Variants in LURAP1L observed in about 807,000 individuals in gnomAD.
LURAP1L encodes leucine rich adaptor protein 1-like.
Under a neutral mutation model 13.8 loss-of-function variants are expected in LURAP1L, and 12 were observed. That is an observed-to-expected ratio of 0.87 (90% CI 0.56 to 1.41). LURAP1L has a LOEUF of 1.41. LURAP1L is among the 40% of genes most tolerant of loss of function. The probability of loss-of-function intolerance (pLI) is 0.00; values close to 1 mark genes in which losing one functional copy is unlikely to be tolerated. For synonymous variants in LURAP1L, 139 were observed against 119.2 expected, an observed-to-expected ratio of 1.17 and a Z score of -1.08; for missense variants, 375 against 292.9, an observed-to-expected ratio of 1.28 and a Z score of -2.04.
At chr9:12,808,182 A>G (rs1819687029) in intron 1 of LURAP1L, among the ~76,000 whole-genome samples, 2 of 151,746 alleles carry the variant, frequency 1.3e-5, no homozygotes, top group African/African-American at 4.8e-5. Context: ...TTTTTTTAAT[A>G]CAGATCTGAG....
In LURAP1L at chr9:12,821,558, G is replaced by A. The variant is rs1819880949; in HGVS notation, c.485G>A (p.Gly162Asp). The A allele has an allele frequency of 1.2e-6, 2 of 1,614,104 alleles. No individual in the cohort carries two copies. Among genetic ancestry groups the A allele is most frequent in the Non-Finnish European group, 1.7e-6 (2 of 1,180,016 alleles). ...LLESQSTSLR[G>D]SYNSLHDGSD... ...GAGAGTCAGAGCACCTCCTTACGTG[G>A]CAGCTACAACAGCCTACACGATGGC... Residue 162 changes from glycine (G) to aspartate (D), a missense_variant, in exon 2 of 2, where the codon GGC (glycine) becomes GAC (aspartate). Gly to Asp is a moderately conservative substitution (Grantham distance 94). Transcript: ENST00000319264.
rs1490971117 is a variant in LURAP1L, at chr9:12,808,559, C to G, written c.313-12827C>G. On this transcript the variant is annotated intron_variant, in intron 1 of 1. Coordinates refer to ENST00000319264, the MANE Select transcript of LURAP1L (RefSeq NM_203403.2). ...GACGGGATAAATATTTTACTCCACA[C>G]TCTTCTTGCTTATATGGTTTCTGAG... Among the ~76,000 whole-genome samples the G allele has an allele frequency of 2.6e-5, 4 of 152,102 alleles. No homozygotes were observed. The East Asian group carries it at 7.7e-4, about 29-fold the overall frequency.
intron 1 of LURAP1L, among the ~76,000 whole-genome samples, chr9:12,816,225 C>T (rs969412593): frequency 1.3e-5 from 2 of 152,148 alleles, no homozygotes; most frequent in Non-Finnish European, 2.9e-5. Flanking sequence ...GAAACGAAAT[C>T]TCAGTATGAA....
At chr9:12,781,403 G>T (rs181326029) in intron 1 of LURAP1L, among the ~76,000 whole-genome samples, 71 of 152,058 alleles carry the variant, frequency 4.7e-4, no homozygotes, top group Non-Finnish European at 7.8e-4. Flanking sequence ...CTTCCCCCCA[G>T]CTCGCTACCC....
chr9:12,778,872 C>T (rs907437885), intron 1 of LURAP1L, among the ~76,000 whole-genome samples: 1 of 152,222 alleles, frequency 6.6e-6, no homozygotes, highest in Non-Finnish European at 1.5e-5. Context: ...AGTAGCCCAC[C>T]TTATCCATGG....
chr9:12,807,020 CAAAAAAAAAAAA>C (rs71329888), intron 1 of LURAP1L, among the ~76,000 whole-genome samples: 2 of 21,880 alleles, frequency 9.1e-5, no homozygotes, highest in African/African-American at 3.4e-4. Context: ...GACTCCGTCT[CAAAAAAAAAAAA>C]AAAAAAAAAA....
intron 1 of LURAP1L, among the ~76,000 whole-genome samples, chr9:12,817,804 T>G (rs1285645093): frequency 6.6e-6 from 1 of 152,164 alleles, no homozygotes; most frequent in East Asian, 1.9e-4. Flanking sequence ...CATTGTGATT[T>G]AGTTGTTTGG....
At chr9:12,786,578 A>G (rs925342913) in intron 1 of LURAP1L, among the ~76,000 whole-genome samples, 1 of 132,998 alleles carries the variant, frequency 7.5e-6, no homozygotes, top group African/African-American at 2.7e-5. Flanking sequence ...ATATATATAT[A>G]TATAAACCCT....
chr9:12,798,065 T>G (rs947144494), intron 1 of LURAP1L, among the ~76,000 whole-genome samples: 2 of 152,152 alleles, frequency 1.3e-5, no homozygotes, highest in Non-Finnish European at 2.9e-5. Flanking sequence ...AATCAAAGTT[T>G]TAACATAAGC....
chr9:12,803,436 T>C (rs1819614426), intron 1 of LURAP1L, among the ~76,000 whole-genome samples: 1 of 152,226 alleles, frequency 6.6e-6, no homozygotes, highest in South Asian at 2.1e-4. Context: ...CTTTCTTCGC[T>C]ATTCCCACTA....
At chr9:12,810,355 T>C (rs1409015752) in intron 1 of LURAP1L, among the ~76,000 whole-genome samples, 2 of 152,208 alleles carry the variant, frequency 1.3e-5, no homozygotes, top group African/African-American at 4.8e-5. Flanking sequence ...CTGTTCCTGT[T>C]AAGCTATGAT....
chr9:12,806,976 G>A (rs542286029), intron 1 of LURAP1L, among the ~76,000 whole-genome samples: 171 of 126,708 alleles, frequency 1.3e-3, no homozygotes, highest in African/African-American at 5.1e-3. Flanking sequence ...CTAAACCATC[G>A]CGCCACTGCA....
chr9:12,792,988 A>G (rs1228222710), intron 1 of LURAP1L, among the ~76,000 whole-genome samples: 1 of 152,056 alleles, frequency 6.6e-6, no homozygotes, highest in African/African-American at 2.4e-5. Flanking sequence ...TAAGAGATTT[A>G]TGGTCTCTAT....
At position 12,821,407 on chromosome 9, in the gene LURAP1L, G is replaced by A. The variant is rs143572342; in HGVS notation, c.334G>A (p.Val112Ile). Residue 112 changes from valine to isoleucine, a missense_variant, in exon 2 of 2, where the codon GTC becomes ATC. Transcript: ENST00000319264. ...ATAGGTTAACCTCAGAGCCACAGAC[G>A]TCAGGCTCATGCGCCAGTTGCTTGT... is the stretch of plus-strand genomic sequence containing the variant. ...QEMVNLRATD[V>I]RLMRQLLVIN... 2.7e-4 allele frequency: 429 copies of A among 1,613,906 alleles called. 3 individuals carry two copies. In the Middle Eastern group the frequency reaches 3.6e-3, roughly 14 times the overall value.
intron 1 of LURAP1L, among the ~76,000 whole-genome samples, chr9:12,801,445 A>G (rs1239523610): frequency 2.6e-5 from 4 of 152,104 alleles, no homozygotes; most frequent in Non-Finnish European, 5.9e-5. Context: ...GTATATATGT[A>G]GTATGTACAT....
intron 1 of LURAP1L, among the ~76,000 whole-genome samples, chr9:12,809,259 C>G (rs1563896903): frequency 6.6e-6 from 1 of 152,294 alleles, no homozygotes; most frequent in African/African-American, 2.4e-5. Context: ...AACATCTAAA[C>G]TGTATCATAT....
chr9:12,802,556 T>A (rs1819601363), intron 1 of LURAP1L, among the ~76,000 whole-genome samples: 1 of 152,172 alleles, frequency 6.6e-6, no homozygotes, highest in African/African-American at 2.4e-5. Context: ...AGCTTCAGCT[T>A]CCTGTGCAGC....
At chr9:12,810,081 G>A (rs1819716009) in intron 1 of LURAP1L, among the ~76,000 whole-genome samples, 1 of 152,124 alleles carries the variant, frequency 6.6e-6, no homozygotes, top group Non-Finnish European at 1.5e-5. Flanking sequence ...TGGTAAAATA[G>A]ATTCCCTTAG....
intron 1 of LURAP1L, among the ~76,000 whole-genome samples, chr9:12,795,261 G>T (rs1586879985): frequency 6.6e-6 from 1 of 151,710 alleles, no homozygotes; most frequent in Non-Finnish European, 1.5e-5. Flanking sequence ...TATCCTTCAG[G>T]TCACACCACT....
Sources: allele counts gnomAD v4.1 joint callset (sites outside exome capture counted in the v4.1 genomes callset), GRCh38; gene constraint gnomAD v4.1.1; transcripts MANE v1.5; gene names NCBI Gene and HGNC (gene_info 2026-07-23, HGNC 2026-07-21).